The following EYA2 variants were observed in gnomAD, a reference collection of about 807,000 sequenced individuals.
EYA2 encodes protein phosphatase EYA2.
EYA2 carries 31 observed loss-of-function variants against 69.2 expected under a neutral mutation model. That is an observed-to-expected ratio of 0.45 (90% CI 0.34 to 0.60). The LOEUF is 0.60. Among genes scored for constraint, EYA2 ranks in the 20% least tolerant of loss-of-function variants. EYA2 has a pLI of 0.02. For synonymous variants in EYA2, 257 were observed against 279.4 expected, an observed-to-expected ratio of 0.92 and a Z score of 0.80; for missense variants, 622 against 701.2, an observed-to-expected ratio of 0.89 and a Z score of 1.28.
At chr20:46,898,229 C>T (rs1276617671) in intron 1 of EYA2, among the ~76,000 whole-genome samples, 1 of 147,902 alleles carries the variant, frequency 6.8e-6, no homozygotes, top group Non-Finnish European at 1.5e-5. Context: ...TGGAAGGAAC[C>T]GGGTTTTTTG....
chr20:46,895,844 C>G (rs1198321559), intron 1 of EYA2, among the ~76,000 whole-genome samples: 2 of 152,184 alleles, frequency 1.3e-5, no homozygotes, highest in Non-Finnish European at 2.9e-5. Context: ...ACTCAGTGCG[C>G]TTTTCTCAGC....
intron 4 of EYA2, among the ~76,000 whole-genome samples, chr20:47,015,703 C>T (rs1983367530): frequency 6.6e-6 from 1 of 152,166 alleles, no homozygotes; most frequent in Non-Finnish European, 1.5e-5. Context: ...CCTTCTTGGC[C>T]TGCCTTTCCC....
At chr20:47,152,714 G>A (rs1201274441) in intron 10 of EYA2, among the ~76,000 whole-genome samples, 1 of 151,720 alleles carries the variant, frequency 6.6e-6, no homozygotes, top group African/African-American at 2.4e-5. Context: ...AGGAGGCTGA[G>A]GCACGAGAAT....
intron 9 of EYA2, among the ~76,000 whole-genome samples, chr20:47,103,491 G>T (rs1190644966): frequency 1.3e-5 from 2 of 152,200 alleles, no homozygotes; most frequent in African/African-American, 4.8e-5. Context: ...ATTTATAAAG[G>T]AAATAGGTTA....
intron 2 of EYA2, among the ~76,000 whole-genome samples, chr20:46,992,785 G>A (rs572524294): frequency 6.6e-6 from 1 of 152,306 alleles, no homozygotes; most frequent in South Asian, 2.1e-4. Context: ...CGCCAGTGAG[G>A]TCAGGTTACA....
chr20:47,051,425 C>T lies in EYA2; in HGVS notation c.416-20760C>T, dbSNP rs530090426. On this transcript the variant is annotated intron_variant, in intron 5 of 15. Coordinates refer to ENST00000327619, the MANE Select transcript of EYA2 (RefSeq NM_005244.5). ...AACCTTCCAGTAGGACCAAAAATTA[C>T]AGCAGATTGGAAATGGGAGAAAACT... Among the ~76,000 whole-genome samples, 8 of 152,316 alleles carry T rather than the reference C, an allele frequency of 5.3e-5. No individual in the cohort carries two copies. In the South Asian group the frequency reaches 1.7e-3, roughly 32 times the overall value.
At chr20:46,939,609 C>T (rs965814761) in intron 1 of EYA2, among the ~76,000 whole-genome samples, 5 of 152,030 alleles carry the variant, frequency 3.3e-5, no homozygotes, top group African/African-American at 1.2e-4. Flanking sequence ...ATGCATCTTC[C>T]AGGGAAAGAA....
intron 1 of EYA2, among the ~76,000 whole-genome samples, chr20:46,912,589 TAGTA>T (rs1323676048): frequency 2.0e-5 from 3 of 151,612 alleles, no homozygotes; most frequent in Non-Finnish European, 2.9e-5. Flanking sequence ...AAAAAGCAAA[TAGTA>T]AGACAGTCTT....
intron 9 of EYA2, among the ~76,000 whole-genome samples, chr20:47,137,488 A>G (rs1008756714): frequency 6.6e-6 from 1 of 152,204 alleles, no homozygotes; most frequent in African/African-American, 2.4e-5. Flanking sequence ...TGAAGGGGTC[A>G]GTGGCCCGAA....
intron 8 of EYA2, among the ~76,000 whole-genome samples, chr20:47,092,654 G>A (rs774397621): frequency 6.6e-6 from 1 of 152,172 alleles, no homozygotes; most frequent in East Asian, 1.9e-4. Context: ...AGAAAGAGGT[G>A]GGGAGGGTTA....
chr20:47,007,975 G>A (rs1982824141), intron 4 of EYA2, among the ~76,000 whole-genome samples: 1 of 152,100 alleles, frequency 6.6e-6, no homozygotes, highest in African/African-American at 2.4e-5. Context: ...TGGCTCAGAG[G>A]GGATCAGGAG....
intron 1 of EYA2, among the ~76,000 whole-genome samples, chr20:46,915,831 C>T (rs1485585414): frequency 6.6e-6 from 1 of 152,176 alleles, no homozygotes; most frequent in African/African-American, 2.4e-5. Flanking sequence ...CAGTTCACCA[C>T]AGTCCCCGCC....
At chr20:47,163,269 T>A (rs954947527) in intron 10 of EYA2, among the ~76,000 whole-genome samples, 3 of 152,008 alleles carry the variant, frequency 2.0e-5, no homozygotes, top group Non-Finnish European at 4.4e-5. Context: ...GACCTCAAGC[T>A]ATCTGCCCAC....
intron 1 of EYA2, among the ~76,000 whole-genome samples, chr20:46,987,928 CTCTCTCTCT>C (rs1981349682): frequency 1.7e-4 from 5 of 29,214 alleles, no homozygotes; most frequent in Non-Finnish European, 2.9e-4. Flanking sequence ...CTCTCTCTCT[CTCTCTCTCT>C]CTCTCTCTCT....
At chr20:46,973,113 G>A (rs563309966) in intron 1 of EYA2, among the ~76,000 whole-genome samples, 13 of 152,310 alleles carry the variant, frequency 8.5e-5, no homozygotes, top group Middle Eastern at 3.4e-3. Context: ...GACTCCTGAT[G>A]AGATGCAATG....
At chr20:47,064,359 C>T (rs2031026692) in intron 5 of EYA2, among the ~76,000 whole-genome samples, 2 of 152,216 alleles carry the variant, frequency 1.3e-5, no homozygotes, top group African/African-American at 4.8e-5. Context: ...TATGGCTGAA[C>T]CACATTTTGT....
rs569688778 is a variant in EYA2 at position 47,025,792 on chromosome 20, T to G, written c.415+9495T>G. On this transcript the variant is annotated intron_variant, in intron 5 of 15. Coordinates refer to ENST00000327619, the MANE Select transcript of EYA2 (RefSeq NM_005244.5). Reference sequence around the variant, plus strand: ...CATTTACACTCCCCCCAGCAGTGTCTGGGAGTAGTACCTGTTTTCACAAAA... The same window carrying G: ...CATTTACACTCCCCCCAGCAGTGTCGGGGAGTAGTACCTGTTTTCACAAAA... 1.3e-3 allele frequency among the ~76,000 whole-genome samples: 202 copies of G among 152,350 alleles called. 1 individual carries two copies. The highest frequency in any genetic ancestry group is 4.7e-3 in the African/African-American group (194 of 41,590).
intron 3 of EYA2, among the ~76,000 whole-genome samples, chr20:47,001,851 T>C (rs1982400535): frequency 6.6e-6 from 1 of 151,964 alleles, no homozygotes; most frequent in South Asian, 2.1e-4. Context: ...AGGGAATTTC[T>C]TAATTTTTCC....
intron 9 of EYA2, among the ~76,000 whole-genome samples, chr20:47,120,290 C>T (rs1414295925): frequency 6.6e-6 from 1 of 151,998 alleles, no homozygotes; most frequent in East Asian, 1.9e-4. Context: ...GTGGGAGGAT[C>T]GCTTGAGCCC....
Sources: allele counts gnomAD v4.1 joint callset (sites outside exome capture counted in the v4.1 genomes callset), GRCh38; gene constraint gnomAD v4.1.1; transcripts MANE v1.5; gene names NCBI Gene and HGNC (gene_info 2026-07-23, HGNC 2026-07-21).